Variants in WWOX observed in about 807,000 individuals in gnomAD.
The protein encoded by WWOX is WW domain containing oxidoreductase.
Under a neutral mutation model 46.2 loss-of-function variants are expected in WWOX, and 69 were observed. The ratio of observed to expected loss-of-function variants is 1.49; its 90% CI spans 1.23 to 1.82. WWOX has a LOEUF of 1.82. Ranked by LOEUF, WWOX falls within the 40% of genes most tolerant of loss-of-function variation. The probability of loss-of-function intolerance (pLI) is 0.00; values close to 1 mark genes in which losing one functional copy is unlikely to be tolerated. For missense variants in WWOX, 919 were observed against 542.6 expected (o/e 1.69, Z -6.89); for synonymous variants, 359 against 202.6 (o/e 1.77, Z -6.56).
intron 8 of WWOX, among the ~76,000 whole-genome samples, chr16:79,085,123 T>A (rs950547631): frequency 1.3e-5 from 2 of 152,192 alleles, no homozygotes; most frequent in African/African-American, 4.8e-5. Flanking sequence ...ATATACAATA[T>A]ACATATGTAA....
chr16:78,101,885 G>A (rs547559792), intron 1 of WWOX, among the ~76,000 whole-genome samples: 2 of 152,306 alleles, frequency 1.3e-5, no homozygotes, highest in South Asian at 4.1e-4. Context: ...AGGGCACAGT[G>A]ACATGTGTAG....
At chr16:79,043,277 C>T (rs562578154) in intron 8 of WWOX, among the ~76,000 whole-genome samples, 1 of 151,178 alleles carries the variant, frequency 6.6e-6, no homozygotes, top group African/African-American at 2.4e-5. Flanking sequence ...TGAATTAAAC[C>T]TCTACCAGAT....
intron 5 of WWOX, among the ~76,000 whole-genome samples, chr16:78,300,949 T>C (rs1302158486): frequency 6.6e-6 from 1 of 151,984 alleles, no homozygotes; most frequent in Non-Finnish European, 1.5e-5. Context: ...TCCATCCAAC[T>C]ACCCACTTAC....
At chr16:78,921,085 C>G (rs1017218163) in intron 8 of WWOX, among the ~76,000 whole-genome samples, 3 of 152,042 alleles carry the variant, frequency 2.0e-5, no homozygotes, top group Admixed American at 6.6e-5. Flanking sequence ...TACATTACAC[C>G]TTGTAGCAAG....
intron 8 of WWOX, among the ~76,000 whole-genome samples, chr16:78,662,641 A>G (rs1183752541): frequency 1.3e-5 from 2 of 152,208 alleles, no homozygotes; most frequent in African/African-American, 2.4e-5. Context: ...ATAAAACAAC[A>G]TACATTCATC....
intron 8 of WWOX, among the ~76,000 whole-genome samples, chr16:78,642,487 C>G (rs1458580208): frequency 2.0e-5 from 3 of 152,154 alleles, no homozygotes; most frequent in Non-Finnish European, 4.4e-5. Flanking sequence ...CATGTATGTG[C>G]ACCAGGTCAG....
intron 6 of WWOX, among the ~76,000 whole-genome samples, chr16:78,424,263 A>C (rs1005413570): frequency 2.6e-5 from 4 of 151,548 alleles, no homozygotes; most frequent in African/African-American, 9.7e-5. Context: ...GATTACAGAC[A>C]TATACCACCA....
At chr16:78,126,442 G>T (rs528693013) in intron 4 of WWOX, among the ~76,000 whole-genome samples, 3 of 152,162 alleles carry the variant, frequency 2.0e-5, no homozygotes, top group Admixed American at 1.3e-4. Flanking sequence ...CTGATGATTA[G>T]CAAGATTGAT....
At position 79,173,418 on chromosome 16, in the gene WWOX, G is replaced by A. The variant is rs535938506; in HGVS notation, c.1057-38190G>A. Among the ~76,000 whole-genome samples the A allele has an allele frequency of 7.9e-5, 12 of 152,276 alleles. No homozygotes were observed. In the South Asian group the frequency reaches 1.9e-3, roughly 24 times the overall value. ...ACATGGGTCTCTTTCACACACCCAC[G>A]TGCATGACCCAAGTGAGCAAACAGG... On this transcript the variant is annotated intron_variant, in intron 8 of 8. Coordinates refer to ENST00000566780, the MANE Select transcript of WWOX (RefSeq NM_016373.4).
At chr16:79,009,696 C>G (rs2047264726) in intron 8 of WWOX, among the ~76,000 whole-genome samples, 1 of 152,144 alleles carries the variant, frequency 6.6e-6, no homozygotes, top group South Asian at 2.1e-4. Context: ...GGTGATCCAC[C>G]CACCTCAGCT....
chr16:78,831,573 G>T (rs1003259792), intron 8 of WWOX, among the ~76,000 whole-genome samples: 1 of 152,190 alleles, frequency 6.6e-6, no homozygotes. Flanking sequence ...ACACCAGGAG[G>T]CAGGCTGCAT....
chr16:78,182,688 C>G (rs1419700966), intron 5 of WWOX, among the ~76,000 whole-genome samples: 42 of 152,130 alleles, frequency 2.8e-4, no homozygotes, highest in East Asian at 3.9e-4. Flanking sequence ...TGTGGTGGCT[C>G]ACGCCTGTAA....
intron 8 of WWOX, among the ~76,000 whole-genome samples, chr16:78,761,328 C>T (rs1179759527): frequency 6.6e-6 from 1 of 152,046 alleles, no homozygotes; most frequent in Non-Finnish European, 1.5e-5. Context: ...TTTTCCTGGC[C>T]CATTTACTCA....
chr16:78,375,844 T>TGTATA (rs1164077593), intron 5 of WWOX, among the ~76,000 whole-genome samples: 1 of 144,054 alleles, frequency 6.9e-6, no homozygotes, highest in Non-Finnish European at 1.5e-5. Context: ...ATGAGTAACA[T>TGTATA]GTATAGGATT....
intron 5 of WWOX, among the ~76,000 whole-genome samples, chr16:78,307,375 G>T (rs577809532): frequency 6.6e-6 from 1 of 152,266 alleles, no homozygotes; most frequent in East Asian, 1.9e-4. Flanking sequence ...GAAATGGGGA[G>T]ATGAACCTGA....
chr16:78,816,187 C>T (rs891474628), intron 8 of WWOX, among the ~76,000 whole-genome samples: 1 of 152,170 alleles, frequency 6.6e-6, no homozygotes, highest in African/African-American at 2.4e-5. Context: ...CTGATAAACC[C>T]TCTGATAAAG....
intron 8 of WWOX, among the ~76,000 whole-genome samples, chr16:78,628,462 C>A (rs551321972): frequency 3.3e-5 from 5 of 152,128 alleles, no homozygotes; most frequent in East Asian, 1.9e-4. Context: ...CCCAAGGGGA[C>A]CTGATATATA....
rs569997757 is a variant in WWOX at position 78,497,926 on chromosome 16, G to C, written c.1056+65174G>C. The stretch of plus-strand genomic sequence containing the variant: ...TTTTTAACAAAGCATCAGGGGGCTG[G>C]GAGCAGTAGCTCACGCCTGTAATGA... On this transcript the variant is annotated intron_variant, in intron 8 of 8. Transcript: ENST00000566780. Among the ~76,000 whole-genome samples, 7 of 152,086 alleles carry C rather than the reference G, an allele frequency of 4.6e-5. No homozygotes were observed. In the East Asian group the frequency reaches 9.7e-4, roughly 21 times the overall value.
chr16:79,156,107 G>T (rs144927135), intron 8 of WWOX, among the ~76,000 whole-genome samples: 267 of 152,204 alleles, frequency 1.8e-3, no homozygotes, highest in African/African-American at 6.1e-3. Context: ...CTACTCATAG[G>T]CCCATCTGTT....
Sources: gnomAD v4.1 joint callset for allele counts (sites outside exome capture counted in the v4.1 genomes callset) on GRCh38, gnomAD v4.1.1 for gene constraint, MANE v1.5 for transcripts, NCBI Gene and HGNC (gene_info 2026-07-23, HGNC 2026-07-21) for gene names.